The following AKAP13 variants were observed in gnomAD, a reference collection of about 807,000 sequenced individuals.
AKAP13 encodes A-kinase anchor protein 13.
A neutral mutation model predicts 264.5 loss-of-function variants in AKAP13; 80 were observed. That is an observed-to-expected ratio of 0.30 (90% CI 0.25 to 0.36). AKAP13 has a LOEUF of 0.36. Among genes scored for constraint, AKAP13 ranks in the 10% least tolerant of loss-of-function variants. The pLI, the probability that AKAP13 is intolerant of heterozygous loss-of-function variation, is 1.00. For missense variants in AKAP13, 3,712 were observed against 3,435.2 expected (o/e 1.08, Z -2.01); for synonymous variants, 1,380 against 1,250.2 (o/e 1.10, Z -2.19).
chr15:85,717,849 G>T (rs1337429770), intron 21 of AKAP13, among the ~76,000 whole-genome samples, 158 bp from the exon 22 acceptor site: 7 of 152,112 alleles, frequency 4.6e-5, no homozygotes, highest in Non-Finnish European at 1.0e-4. Flanking sequence ...TCCTGAACAG[G>T]ATATTGATTT....
At chr15:85,488,168 G>A (rs977837242) in intron 2 of AKAP13, among the ~76,000 whole-genome samples, 1 of 152,180 alleles carries the variant, frequency 6.6e-6, no homozygotes, top group Non-Finnish European at 1.5e-5. Context: ...TACAGTATGA[G>A]CCATCCTGCC....
intron 17 of AKAP13, among the ~76,000 whole-genome samples, chr15:85,697,731 T>C (rs1026684258): frequency 1.3e-5 from 2 of 152,248 alleles, no homozygotes; most frequent in Non-Finnish European, 2.9e-5. Flanking sequence ...TATTTCAGCA[T>C]ATTGTCCTGA....
At chr15:85,614,914 A>G (rs781684907) in intron 8 of AKAP13, among the ~76,000 whole-genome samples, 11 of 152,206 alleles carry the variant, frequency 7.2e-5, no homozygotes, top group Non-Finnish European at 1.2e-4. Flanking sequence ...TGTGGTTAAT[A>G]AATCTTGCTC....
intron 10 of AKAP13, among the ~76,000 whole-genome samples, chr15:85,648,817 C>T (rs761172355): frequency 3.9e-5 from 6 of 152,074 alleles, no homozygotes; most frequent in South Asian, 2.1e-4. Context: ...CCAGCCTGGG[C>T]GACAGAGCAA....
chr15:85,554,979 C>T (rs970214468), intron 5 of AKAP13, among the ~76,000 whole-genome samples: 2 of 152,160 alleles, frequency 1.3e-5, no homozygotes, highest in African/African-American at 4.8e-5. Context: ...TTTTTCTTTG[C>T]ACTCTCCTTA....
At chr15:85,577,942 G>C in intron 6 of AKAP13, 3 of 503,798 alleles carry the variant, frequency 6.0e-6, no homozygotes, top group South Asian at 8.7e-5. Flanking sequence ...GTTTTTACTT[G>C]TATATATGAG....
chr15:85,666,458 G>GC (rs2083606133), intron 13 of AKAP13, among the ~76,000 whole-genome samples: 1 of 298 alleles, frequency 3.4e-3, no homozygotes, highest in African/African-American at 0.015. Context: ...AAAATTTTCT[G>GC]CCTTCTGTAG....
intron 1 of AKAP13, among the ~76,000 whole-genome samples, chr15:85,412,327 G>A (rs2072012159): frequency 1.3e-5 from 2 of 152,112 alleles, no homozygotes. Flanking sequence ...TTCAAATTGG[G>A]TATCTATTTG....
intron 11 of AKAP13, among the ~76,000 whole-genome samples, chr15:85,656,060 T>C (rs1055930039): frequency 6.6e-6 from 1 of 152,216 alleles, no homozygotes; most frequent in Non-Finnish European, 1.5e-5. Context: ...TGAAATGTGA[T>C]TGTCATATAA....
In AKAP13 at chr15:85,581,193, T is replaced by C; in HGVS notation, c.3125T>C (p.Leu1042Pro). The C allele has an allele frequency of 6.2e-7, 1 of 1,613,834 alleles. No homozygotes were observed. The highest frequency in any genetic ancestry group is 8.5e-7 in the Non-Finnish European group (1 of 1,179,796). ...ALGAEHNSSALLPCLLPDGSD... is the reference protein window; with the variant it reads ...ALGAEHNSSAPLPCLLPDGSD... ...GGGGCAGAGCACAACAGCTCCGCTC[T>C]GTTGCCATGTCTGTTGCCAGATGGG... The change falls in exon 7 of 37, where the codon CTG becomes CCG. Residue 1042 changes from leucine to proline, a missense_variant. Around this residue, in one of 3 missense-constraint regions of AKAP13, gnomAD observed 2,759 missense variants for 2,411.7 expected, o/e 1.14. Coordinates refer to ENST00000394518, the MANE Select transcript of AKAP13 (RefSeq NM_007200.5).
rs777577603 is a variant in AKAP13, at chr15:85,723,286, T to C, written c.6711T>C (p.Ser2237=). The C allele has an allele frequency of 6.2e-7, 1 of 1,613,934 alleles. No homozygotes were observed. Among genetic ancestry groups the C allele is most frequent in the Non-Finnish European group, 8.5e-7 (1 of 1,179,938 alleles). The change falls in exon 26 of 37, where the codon AGT becomes AGC. Residue 2237 remains serine, a synonymous_variant. Coordinates refer to ENST00000394518, the MANE Select transcript of AKAP13 (RefSeq NM_007200.5). ...LKRKKLVRDG[S]VFLKNAAGRL... is the part of the protein sequence containing the mutation. ...GGAAGAAGCTTGTACGTGATGGGAG[T>C]GTGTTTCTGAAGAATGCAGCAGGAA...
chr15:85,693,235 C>T lies in AKAP13; in HGVS notation c.5290-42C>T, dbSNP rs2085389494. 3.3e-6 allele frequency: 5 copies of T among 1,537,364 alleles called. No homozygotes were observed. In the East Asian group the frequency reaches 1.2e-4, roughly 36 times the overall value. On this transcript the variant is annotated intron_variant, in intron 16 of 36. Coordinates refer to ENST00000394518, the MANE Select transcript of AKAP13 (RefSeq NM_007200.5). ...GTGCCCAGGTAAGGAGAAAGCCCTC[C>T]AGTGTTCAATTAACTGTGGATTATT...
intron 1 of AKAP13, among the ~76,000 whole-genome samples, chr15:85,442,528 A>ATT (rs561649276): frequency 8.3e-6 from 1 of 120,914 alleles, no homozygotes; most frequent in Non-Finnish European, 1.7e-5. Flanking sequence ...ATTATATTAT[A>ATT]TATAATATAT....
At chr15:85,557,368 A>G (rs181189836) in intron 5 of AKAP13, among the ~76,000 whole-genome samples, 1 of 152,284 alleles carries the variant, frequency 6.6e-6, no homozygotes, top group Admixed American at 6.5e-5. Context: ...CAATCGTTTT[A>G]TATTTATTAT....
At chr15:85,704,976 G>A (rs139312003) in intron 17 of AKAP13, among the ~76,000 whole-genome samples, 1 of 152,284 alleles carries the variant, frequency 6.6e-6, no homozygotes, top group African/African-American at 2.4e-5. Flanking sequence ...TTTTCAAGTA[G>A]GTACTTCAGC....
chr15:85,643,831 C>T lies in AKAP13; in HGVS notation c.4238-1987C>T, dbSNP rs554822830. ...CTCGGCAAGCTGTATGTATCTCAGA[C>T]GGTTTGACTGTCGTGACCCCATTAC... On this transcript the variant is annotated intron_variant, in intron 9 of 36. Transcript: ENST00000394518. Among the ~76,000 whole-genome samples, 26 of 152,286 alleles carry T rather than the reference C, an allele frequency of 1.7e-4. No individual in the cohort carries two copies. In the South Asian group the frequency reaches 2.5e-3, roughly 15 times the overall value.
At chr15:85,717,471 T>C in intron 21 of AKAP13, 69 bp downstream of exon 21, 5 of 1,053,528 alleles carry the variant, frequency 4.7e-6, no homozygotes, top group Non-Finnish European at 4.3e-6. Flanking sequence ...ACCTAGAACA[T>C]AAGTCTTAAT....
chr15:85,540,184 A>G (rs896818226), intron 4 of AKAP13, among the ~76,000 whole-genome samples: 1 of 152,176 alleles, frequency 6.6e-6, no homozygotes, highest in South Asian at 2.1e-4. Context: ...ACATGGGCCA[A>G]AATATCACGT....
chr15:85,569,573 C>G (rs1201589662), intron 5 of AKAP13, among the ~76,000 whole-genome samples: 1 of 151,506 alleles, frequency 6.6e-6, no homozygotes, highest in Non-Finnish European at 1.5e-5. Context: ...CTGCCTTAGC[C>G]TCCCGAGTTG....
Sources: gnomAD v4.1 joint callset for allele counts (sites outside exome capture counted in the v4.1 genomes callset) on GRCh38, gnomAD v4.1.1 for gene constraint, gnomAD v4.1.1 regional missense constraint, MANE v1.5 for transcripts, NCBI Gene and HGNC (gene_info 2026-07-23, HGNC 2026-07-21) for gene names.